The following SORCS2 variants were observed in gnomAD, a reference collection of about 807,000 sequenced individuals.
SORCS2 encodes the protein VPS10 domain-containing receptor SorCS2.
Under a neutral mutation model 141.6 loss-of-function variants are expected in SORCS2, and 100 were observed. The ratio of observed to expected loss-of-function variants is 0.71; its 90% confidence interval spans 0.60 to 0.83. The LOEUF is 0.83. Among genes scored for constraint, SORCS2 ranks in the 40% least tolerant of loss-of-function variants. SORCS2 has a pLI of 0.00. For missense variants in SORCS2, 1,646 were observed against 1,560.2 expected (o/e 1.05, Z -0.93); for synonymous variants, 789 against 676.9 (o/e 1.17, Z -2.57).
chr4:7,419,701 G>GC (rs11414942), intron 2 of SORCS2, among the ~76,000 whole-genome samples: 75,565 of 151,656 alleles, frequency 0.5, 19,115 homozygotes, highest in Middle Eastern at 0.61. Context: ...AGATTGGCAA[G>GC]CCGTCTCAGA....
chr4:7,433,143 G>A lies in SORCS2; in HGVS notation c.548+36788G>A, dbSNP rs931048792. ...TTCAAGGGCAAAGCTGTGCGGCACC[G>A]TTGTTAAGAGAGAGGCTTTCGGGAT... On this transcript the variant is annotated intron_variant, in intron 2 of 26. Transcript: ENST00000507866. 223 of 616,702 alleles carry A rather than the reference G, an allele frequency of 3.6e-4. 1 individual carries two copies. In the East Asian group the frequency reaches 7.1e-3, roughly 20 times the overall value. The allele number at this position is 616,702 out of a possible 1,614,324, so 38.2% of individuals were successfully genotyped here.
At position 7,714,252 on chromosome 4, in the gene SORCS2, A is replaced by G. The variant is rs374471872; in HGVS notation, c.2002A>G (p.Ile668Val). 249 of 1,611,006 alleles carry G rather than the reference A, an allele frequency of 1.5e-4. No homozygotes were observed. Among genetic ancestry groups the G allele is most frequent in the Non-Finnish European group, 2.0e-4 (241 of 1,178,872 alleles). ...ELSNLQGDRC[I>V]MGQQRSFRKR... is the part of the protein sequence containing the mutation. ...GTTCCTGCTGCAGGGCGACCGCTGTATCATGGGCCAGCAGAGAAGTTTCCG... is the reference window on the plus strand; with the variant it reads ...GTTCCTGCTGCAGGGCGACCGCTGTGTCATGGGCCAGCAGAGAAGTTTCCG... Residue 668 changes from isoleucine (I) to valine (V), a missense_variant, in exon 16 of 27, where the codon ATC becomes GTC. Transcript: ENST00000507866.
chr4:7,501,088 T>C (rs1331284337), intron 2 of SORCS2, among the ~76,000 whole-genome samples: 2 of 152,204 alleles, frequency 1.3e-5, no homozygotes, highest in Non-Finnish European at 2.9e-5. Flanking sequence ...CCTATGTTTT[T>C]CTCAGGGTGC....
intron 1 of SORCS2, among the ~76,000 whole-genome samples, chr4:7,240,374 G>A (rs73081828): frequency 0.018 from 2,785 of 152,308 alleles, 89 homozygotes; most frequent in African/African-American, 0.063. Context: ...AGTCCTTCCT[G>A]GGGATTTGTA....
At chr4:7,642,825 G>C (rs1451397410) in intron 4 of SORCS2, among the ~76,000 whole-genome samples, 1 of 152,150 alleles carries the variant, frequency 6.6e-6, no homozygotes. Context: ...CTTATGCTGA[G>C]AGCACACTAT....
At chr4:7,217,656 T>G (rs1728441577) in intron 1 of SORCS2, among the ~76,000 whole-genome samples, 1 of 152,048 alleles carries the variant, frequency 6.6e-6, no homozygotes, top group Non-Finnish European at 1.5e-5. Flanking sequence ...TCCACAAAAA[T>G]GCCCACAGCT....
At chr4:7,483,436 A>G (rs1577639791) in intron 2 of SORCS2, among the ~76,000 whole-genome samples, 1 of 152,092 alleles carries the variant, frequency 6.6e-6, no homozygotes, top group Non-Finnish European at 1.5e-5. Flanking sequence ...CCACCATGCC[A>G]GATGCTAAAA....
In SORCS2 at chr4:7,729,661, G is replaced by A; in HGVS notation, c.3057G>A (p.Val1019=). 1.2e-6 allele frequency: 2 copies of A among 1,607,432 alleles called. No individual in the cohort carries two copies. The highest frequency in any genetic ancestry group is 2.2e-5 in the South Asian group (2 of 89,344). Residue 1019 remains valine, a synonymous_variant, in exon 23 of 27, where the codon GTG becomes GTA. Transcript: ENST00000507866. ...TGCCCACTTTGGCCGATCTGTACGT[G>A]CTCCTGCCCCCTCCCAGGCCCACAA... ...PGLPTLADLY[V]LLPPPRPTRK...
At chr4:7,669,782 A>G (rs1330572952) in intron 8 of SORCS2, among the ~76,000 whole-genome samples, 1 of 152,224 alleles carries the variant, frequency 6.6e-6, no homozygotes, top group Non-Finnish European at 1.5e-5. Flanking sequence ...AGCCATATGC[A>G]AAAGGGCTTT....
intron 1 of SORCS2, among the ~76,000 whole-genome samples, chr4:7,316,212 T>TTCCTTCCA (rs1718539355): frequency 6.6e-6 from 1 of 150,516 alleles, no homozygotes; most frequent in Non-Finnish European, 1.5e-5. Context: ...CTAGCTTTCC[T>TTCCTTCCA]TCCATCCATC....
chr4:7,713,383 G>C (rs1725957881), intron 15 of SORCS2, among the ~76,000 whole-genome samples: 1 of 152,068 alleles, frequency 6.6e-6, no homozygotes, highest in Admixed American at 6.5e-5. Context: ...TTCAGAGTGT[G>C]GGGGCCTGGA....
At chr4:7,369,804 A>G (rs764895590) in intron 1 of SORCS2, among the ~76,000 whole-genome samples, 1 of 152,060 alleles carries the variant, frequency 6.6e-6, no homozygotes, top group Admixed American at 6.6e-5. Context: ...CCTCCCCACC[A>G]TGGGCACGTG....
chr4:7,423,348 C>T (rs1311505883), intron 2 of SORCS2, among the ~76,000 whole-genome samples: 2 of 152,306 alleles, frequency 1.3e-5, no homozygotes, highest in Admixed American at 1.3e-4. Context: ...GGAGCAGCAT[C>T]CCTGGCTATG....
At chr4:7,387,451 A>G (rs1294579783) in intron 1 of SORCS2, among the ~76,000 whole-genome samples, 2 of 96,478 alleles carry the variant, frequency 2.1e-5, no homozygotes, top group African/African-American at 6.2e-5. Context: ...GCATGCACAC[A>G]TGCACACACA....
chr4:7,439,378 AT>A (rs1727510885), intron 2 of SORCS2, among the ~76,000 whole-genome samples: 1 of 152,166 alleles, frequency 6.6e-6, no homozygotes, highest in African/African-American at 2.4e-5. Context: ...TACCCAAGAC[AT>A]TTTAGAAACA....
chr4:7,680,996 A>G (rs1236879766), intron 9 of SORCS2, among the ~76,000 whole-genome samples: 1 of 152,262 alleles, frequency 6.6e-6, no homozygotes, highest in Non-Finnish European at 1.5e-5. Flanking sequence ...CATCTGGTTT[A>G]GATGACTCAG....
intron 1 of SORCS2, among the ~76,000 whole-genome samples, chr4:7,234,953 G>A (rs558876394): frequency 6.6e-6 from 1 of 152,376 alleles, no homozygotes; most frequent in East Asian, 1.9e-4. Flanking sequence ...GGCTGGGCCT[G>A]AAGTCTTGTG....
intron 1 of SORCS2, among the ~76,000 whole-genome samples, chr4:7,297,254 G>A (rs546212975): frequency 1.6e-4 from 25 of 152,264 alleles, no homozygotes; most frequent in Admixed American, 4.6e-4. Context: ...GTTCCACACC[G>A]TGCTCAGAGC....
chr4:7,312,358 A>G (rs1476751196), intron 1 of SORCS2, among the ~76,000 whole-genome samples: 2 of 152,100 alleles, frequency 1.3e-5, no homozygotes, highest in African/African-American at 4.8e-5. Flanking sequence ...CGGTCTATTG[A>G]TCTTGTCCTG....
Sources: gnomAD v4.1 joint callset for allele counts (sites outside exome capture counted in the v4.1 genomes callset) on GRCh38, gnomAD v4.1.1 for gene constraint, MANE v1.5 for transcripts, NCBI Gene and HGNC (gene_info 2026-07-23, HGNC 2026-07-21) for gene names.